The following SYNPR variants were observed in gnomAD, a reference collection of about 807,000 sequenced individuals.
SYNPR encodes the protein synaptoporin.
A neutral mutation model predicts 32.9 loss-of-function variants in SYNPR; 23 were observed. The ratio of observed to expected loss-of-function variants is 0.70; its 90% CI spans 0.50 to 0.99. The LOEUF is 0.99. Ranked by LOEUF, SYNPR falls within the 50% of genes least tolerant of loss-of-function variation. The probability of loss-of-function intolerance (pLI) is 0.00; values close to 1 mark genes in which losing one functional copy is unlikely to be tolerated. For missense variants in SYNPR, 318 were observed against 349.3 expected, an observed-to-expected ratio of 0.91 and a Z score of 0.71; for synonymous variants, 146 against 135.9, an observed-to-expected ratio of 1.07 and a Z score of -0.52.
intron 2 of SYNPR, among the ~76,000 whole-genome samples, chr3:63,361,626 G>A (rs534401305): frequency 5.8e-4 from 88 of 151,046 alleles, no homozygotes; most frequent in Non-Finnish European, 1.0e-3. Context: ...AGGAGGGGGG[G>A]ATATAAAGCC....
chr3:63,360,981 A>T (rs1312581380), intron 2 of SYNPR, among the ~76,000 whole-genome samples: 4 of 152,208 alleles, frequency 2.6e-5, no homozygotes, highest in Non-Finnish European at 5.9e-5. Flanking sequence ...CATTGCTGAA[A>T]TACCAGATGG....
At chr3:63,380,792 A>C (rs1407273738) in intron 2 of SYNPR, among the ~76,000 whole-genome samples, 7 of 152,188 alleles carry the variant, frequency 4.6e-5, no homozygotes, top group African/African-American at 1.7e-4. Flanking sequence ...ACAGAACCAA[A>C]GACAAAAACC....
At chr3:63,291,254 C>T (rs994445586) in intron 2 of SYNPR, among the ~76,000 whole-genome samples, 1 of 151,970 alleles carries the variant, frequency 6.6e-6, no homozygotes, top group Non-Finnish European at 1.5e-5. Context: ...GGATTAATGG[C>T]TGAGAAACCT....
chr3:63,414,650 A>G (rs2088515368), intron 2 of SYNPR, among the ~76,000 whole-genome samples: 3 of 152,232 alleles, frequency 2.0e-5, no homozygotes, highest in African/African-American at 7.2e-5. Flanking sequence ...TCAAGATCAA[A>G]TCTACCTGCT....
At chr3:63,274,260 G>A (rs2086557709), upstream of SYNPR, among the ~76,000 whole-genome samples, 1 of 152,192 alleles carries the variant, frequency 6.6e-6, no homozygotes, top group Non-Finnish European at 1.5e-5. Context: ...TTTCCTATGA[G>A]AACAAGATTT....
chr3:63,225,989 T>C (rs1389960595), upstream of SYNPR, among the ~76,000 whole-genome samples: 1 of 149,756 alleles, frequency 6.7e-6, no homozygotes, highest in East Asian at 2.0e-4. Context: ...GTAGGCAAAA[T>C]AACTTGATCA....
At chr3:63,328,318 A>G (rs1361813231) in intron 2 of SYNPR, among the ~76,000 whole-genome samples, 1 of 152,168 alleles carries the variant, frequency 6.6e-6, no homozygotes, top group East Asian at 1.9e-4. Flanking sequence ...AGAATCTTGT[A>G]TTCAGGCTGC....
chr3:63,433,505 T>C (rs953213201), intron 2 of SYNPR, among the ~76,000 whole-genome samples: 3 of 152,170 alleles, frequency 2.0e-5, no homozygotes, highest in Non-Finnish European at 4.4e-5. Context: ...CAGTAATACA[T>C]AATCAACTAT....
At chr3:63,365,894 C>T (rs2087724201) in intron 2 of SYNPR, among the ~76,000 whole-genome samples, 1 of 152,124 alleles carries the variant, frequency 6.6e-6, no homozygotes, top group Non-Finnish European at 1.5e-5. Context: ...TTAATAGGGG[C>T]ACACCTCATA....
chr3:63,347,912 T>A (rs903402659), intron 2 of SYNPR, among the ~76,000 whole-genome samples: 21 of 149,262 alleles, frequency 1.4e-4, no homozygotes, highest in African/African-American at 5.2e-4. Context: ...TGTGTGTGTG[T>A]GTGTGTATGT....
chr3:63,488,666 T>A (rs573724684), intron 3 of SYNPR, among the ~76,000 whole-genome samples: 2 of 152,202 alleles, frequency 1.3e-5, no homozygotes, highest in South Asian at 4.1e-4. Context: ...ACACATTGAA[T>A]ATTCCCTGAG....
intron 2 of SYNPR, among the ~76,000 whole-genome samples, chr3:63,309,602 T>C (rs1009603219): frequency 6.6e-6 from 1 of 152,046 alleles, no homozygotes; most frequent in Admixed American, 6.6e-5. Context: ...AAGACCCTTC[T>C]GGGTCTTCTA....
chr3:63,570,441 C>T (rs11721275), intron 4 of SYNPR, among the ~76,000 whole-genome samples: 54,050 of 152,028 alleles, frequency 0.36, 9,865 homozygotes, highest in East Asian at 0.48. Context: ...AGCTATCTCC[C>T]GTCATCCCCG....
At chr3:63,551,705 C>G (rs1381288059) in intron 3 of SYNPR, among the ~76,000 whole-genome samples, 2 of 152,052 alleles carry the variant, frequency 1.3e-5, no homozygotes, top group Non-Finnish European at 2.9e-5. Flanking sequence ...AAATCTCCAG[C>G]CTAAAAGTCA....
At chr3:63,512,681 T>C (rs1250605862) in intron 3 of SYNPR, among the ~76,000 whole-genome samples, 1 of 152,102 alleles carries the variant, frequency 6.6e-6, no homozygotes, top group Non-Finnish European at 1.5e-5. Context: ...CCATGAAATG[T>C]GGGTGGCCTC....
intron 3 of SYNPR, among the ~76,000 whole-genome samples, chr3:63,493,959 A>C (rs931456008): frequency 6.6e-6 from 1 of 152,096 alleles, no homozygotes; most frequent in Non-Finnish European, 1.5e-5. Flanking sequence ...AGAACTGCTG[A>C]CCTAAAAAGA....
chr3:63,476,111 G>GAGGAAGGAAGGAAGGAAGGA lies in SYNPR; in HGVS notation c.85-4701_85-4682dup, dbSNP rs765639648. Among the ~76,000 whole-genome samples the GAGGAAGGAAGGAAGGAAGGA allele has an allele frequency of 3.0e-5, 2 of 67,714 alleles. 1 individual carries two copies. The allele number at this position is 67,714 out of a possible 152,430, so 44.4% of individuals were successfully genotyped here. Reference sequence around the variant, plus strand: ...GGGAGGGAGGGAGGAAGGGAGGGGGGAGGAAGGAAGGAAGGAAGGAAGGAA... The same window carrying GAGGAAGGAAGGAAGGAAGGA: ...GGGAGGGAGGGAGGAAGGGAGGGGGGAGGAAGGAAGGAAGGAAGGAAGGAAGGAAGGAAGGAAGGAAGGAA... On this transcript the variant is annotated intron_variant, in intron 2 of 5. Coordinates refer to ENST00000478300, the MANE Select transcript of SYNPR (RefSeq NM_001130003.2).
chr3:63,351,160 A>C (rs1358097350), intron 2 of SYNPR, among the ~76,000 whole-genome samples: 1 of 152,182 alleles, frequency 6.6e-6, no homozygotes, highest in Non-Finnish European at 1.5e-5. Context: ...CAGAATTCTG[A>C]GTGATCCGCC....
chr3:63,423,998 A>G (rs1699847602), intron 2 of SYNPR, among the ~76,000 whole-genome samples: 1 of 152,236 alleles, frequency 6.6e-6, no homozygotes, highest in Admixed American at 6.5e-5. Flanking sequence ...GGAAAATCTG[A>G]GAAACAGTCT....
Sources: gnomAD v4.1 joint callset for allele counts (sites outside exome capture counted in the v4.1 genomes callset) on GRCh38, gnomAD v4.1.1 for gene constraint, MANE v1.5 for transcripts, NCBI Gene and HGNC (gene_info 2026-07-23, HGNC 2026-07-21) for gene names.